Variants in SLC16A7 observed in about 807,000 individuals in gnomAD.
SLC16A7 encodes the protein monocarboxylate transporter 2.
A neutral mutation model predicts 34.9 loss-of-function variants in SLC16A7; 33 were observed. The observed-to-expected ratio is 0.94, with a 90% CI of 0.72 to 1.26. The LOEUF is 1.26. Ranked by LOEUF, SLC16A7 falls within the 50% of genes most tolerant of loss-of-function variation. The probability of loss-of-function intolerance (pLI) is 0.00; values close to 1 mark genes in which losing one functional copy is unlikely to be tolerated. For synonymous variants in SLC16A7, 201 were observed against 206.6 expected (o/e 0.97, Z 0.23); for missense variants, 573 against 578.1 (o/e 0.99, Z 0.09).
At chr12:59,620,381 T>G (rs1290772365) in intron 1 of SLC16A7, among the ~76,000 whole-genome samples, 2 of 152,054 alleles carry the variant, frequency 1.3e-5, no homozygotes, top group African/African-American at 4.8e-5. Flanking sequence ...CAGTGAGGTA[T>G]GTTTACAAAA....
intron 1 of SLC16A7, among the ~76,000 whole-genome samples, chr12:59,599,875 G>A (rs1387728366): frequency 2.0e-5 from 3 of 152,150 alleles, no homozygotes; most frequent in Non-Finnish European, 4.4e-5. Context: ...ATTTGGGAAG[G>A]CATCCTATCT....
chr12:59,624,835 T>C (rs1879855556), intron 1 of SLC16A7, among the ~76,000 whole-genome samples: 1 of 151,494 alleles, frequency 6.6e-6, no homozygotes, highest in African/African-American at 2.4e-5. Flanking sequence ...TGCAGTTTTA[T>C]TGAGTGACAG....
intron 2 of SLC16A7, among the ~76,000 whole-genome samples, chr12:59,685,536 T>C (rs1378588505): frequency 6.6e-6 from 1 of 152,148 alleles, no homozygotes; most frequent in Non-Finnish European, 1.5e-5. Flanking sequence ...GCATTATTTA[T>C]GACATATTTT....
chr12:59,699,239 C>T (rs1023704138), intron 2 of SLC16A7, among the ~76,000 whole-genome samples: 21 of 151,548 alleles, frequency 1.4e-4, no homozygotes, highest in African/African-American at 5.1e-4. Context: ...GATGCCTAAA[C>T]TTCCAAATTT....
chr12:59,756,535 T>G (rs2137364226), intron 3 of SLC16A7, among the ~76,000 whole-genome samples: 1 of 152,088 alleles, frequency 6.6e-6, no homozygotes, highest in East Asian at 1.9e-4. Context: ...ATCAGAGAAA[T>G]GCAAATCAAA....
chr12:59,669,652 T>TCACACACACACACA (rs144456899), intron 2 of SLC16A7, among the ~76,000 whole-genome samples: 3,920 of 139,532 alleles, frequency 0.028, 108 homozygotes, highest in African/African-American at 0.055. Flanking sequence ...CCATAGATAG[T>TCACACACACACACA]CACACACACA....
At chr12:59,720,566 G>C (rs186293540) in intron 3 of SLC16A7, among the ~76,000 whole-genome samples, 1 of 152,054 alleles carries the variant, frequency 6.6e-6, no homozygotes, top group East Asian at 1.9e-4. Context: ...CAGACACTTT[G>C]TCATAATTGA....
At chr12:59,619,712 C>G (rs1219977716) in intron 1 of SLC16A7, among the ~76,000 whole-genome samples, 1 of 151,906 alleles carries the variant, frequency 6.6e-6, no homozygotes, top group East Asian at 1.9e-4. Context: ...ACTGTTAACT[C>G]TGAACTGGTG....
chr12:59,674,580 A>G (rs1870150946), intron 2 of SLC16A7, among the ~76,000 whole-genome samples: 1 of 152,154 alleles, frequency 6.6e-6, no homozygotes, highest in Non-Finnish European at 1.5e-5. Flanking sequence ...TCAGCGCACC[A>G]ATGTTATATG....
chr12:59,655,504 A>C (rs1868490164), intron 2 of SLC16A7, among the ~76,000 whole-genome samples: 1 of 151,878 alleles, frequency 6.6e-6, no homozygotes, highest in Middle Eastern at 3.2e-3. Context: ...CTAAATATAA[A>C]CTTCCTTCAT....
chr12:59,618,839 G>A (rs561110329), intron 1 of SLC16A7, among the ~76,000 whole-genome samples: 88 of 151,942 alleles, frequency 5.8e-4, no homozygotes, highest in African/African-American at 1.4e-3. Flanking sequence ...CCTATTTTCC[G>A]TAAAATATTG....
intron 3 of SLC16A7, among the ~76,000 whole-genome samples, chr12:59,746,772 A>G (rs1592628462): frequency 6.6e-6 from 1 of 152,224 alleles, no homozygotes; most frequent in South Asian, 2.1e-4. Context: ...TGTCCTTGCA[A>G]TATGATCCCT....
At chr12:59,677,260 A>T (rs1870388850) in intron 2 of SLC16A7, among the ~76,000 whole-genome samples, 1 of 152,182 alleles carries the variant, frequency 6.6e-6, no homozygotes, top group Admixed American at 6.5e-5. Context: ...GGCCAGAGGC[A>T]TATTGGAAGG....
chr12:59,738,525 C>T (rs1215401538), intron 3 of SLC16A7, among the ~76,000 whole-genome samples: 1 of 152,132 alleles, frequency 6.6e-6, no homozygotes, highest in Admixed American at 6.6e-5. Flanking sequence ...CTGACATAGA[C>T]CAAGTCTCTG....
At chr12:59,658,321 A>G (rs1868644430) in intron 2 of SLC16A7, among the ~76,000 whole-genome samples, 1 of 152,086 alleles carries the variant, frequency 6.6e-6, no homozygotes. Context: ...TAAAAATCAC[A>G]GAAAATGAGA....
At chr12:59,663,624 G>A (rs1321060086) in intron 2 of SLC16A7, among the ~76,000 whole-genome samples, 2 of 151,992 alleles carry the variant, frequency 1.3e-5, no homozygotes, top group East Asian at 3.9e-4. Flanking sequence ...GTTGTCAGAT[G>A]TACTATATAA....
chr12:59,752,742 G>A (rs1879736487), intron 3 of SLC16A7, among the ~76,000 whole-genome samples: 1 of 152,128 alleles, frequency 6.6e-6, no homozygotes, highest in Non-Finnish European at 1.5e-5. Flanking sequence ...TCAGGTTCAG[G>A]AAATACAGAG....
Position 59,775,306 on chromosome 12 carries a change from C to T in SLC16A7, c.1011C>T (p.Tyr337=), listed in dbSNP as rs377062820. Residue 337 remains tyrosine, a synonymous_variant, in exon 5 of 6, where the codon TAC becomes TAT. Coordinates refer to ENST00000547379, the MANE Select transcript of SLC16A7 (RefSeq NM_001270623.2). ...TCTTGTGCCCACTGGCACAGGACTA[C>T]ACAAGCCTGGTATTATATGCTGTAT... is the stretch of plus-strand genomic sequence containing the variant. ...CHLLCPLAQD[Y]TSLVLYAVFF... 38 of 1,614,072 alleles carry T rather than the reference C, an allele frequency of 2.4e-5. No homozygotes were observed. The highest frequency in any genetic ancestry group is 3.2e-5 in the Non-Finnish European group (38 of 1,180,032).
At chr12:59,662,393 T>A (rs1361661572) in intron 2 of SLC16A7, among the ~76,000 whole-genome samples, 1 of 152,116 alleles carries the variant, frequency 6.6e-6, no homozygotes, top group Non-Finnish European at 1.5e-5. Context: ...CAAGGTTTTC[T>A]CCTAAGACTA....
Sources: gnomAD v4.1 joint callset for allele counts (sites outside exome capture counted in the v4.1 genomes callset) on GRCh38, gnomAD v4.1.1 for gene constraint, MANE v1.5 for transcripts, NCBI Gene and HGNC (gene_info 2026-07-23, HGNC 2026-07-21) for gene names.